The following LRRC4C variants were observed in gnomAD, a reference collection of about 807,000 sequenced individuals.
LRRC4C encodes the protein leucine-rich repeat-containing protein 4C.
In LRRC4C, 5 loss-of-function variants were observed where a neutral mutation model predicts 33.6. The observed-to-expected ratio is 0.15, with a 90% CI of 0.08 to 0.31. LRRC4C has a LOEUF of 0.31. Among genes scored for constraint, LRRC4C ranks in the 10% least tolerant of loss-of-function variants. LRRC4C has a pLI of 1.00. For missense variants in LRRC4C, 560 were observed against 796.7 expected, an observed-to-expected ratio of 0.70 and a Z score of 3.58; for synonymous variants, 329 against 302.0, an observed-to-expected ratio of 1.09 and a Z score of -0.93.
intron 1 of LRRC4C, among the ~76,000 whole-genome samples, chr11:41,451,101 C>T (rs11036408): frequency 0.062 from 9,397 of 152,226 alleles, 364 homozygotes; most frequent in Non-Finnish European, 0.096. Context: ...CAACTTTGTG[C>T]TCCACATCAT....
intron 6 of LRRC4C, among the ~76,000 whole-genome samples, chr11:40,124,337 G>A (rs1043890478): frequency 2.6e-5 from 4 of 152,130 alleles, no homozygotes; most frequent in Non-Finnish European, 5.9e-5. Context: ...TCAATATATG[G>A]AAGAAATATC....
At chr11:41,198,253 T>C (rs1368892661) in intron 1 of LRRC4C, among the ~76,000 whole-genome samples, 2 of 151,982 alleles carry the variant, frequency 1.3e-5, no homozygotes, top group African/African-American at 4.8e-5. Flanking sequence ...GCATTTCCTG[T>C]ATATCACTCT....
At chr11:40,714,553 C>A (rs1478162974) in intron 2 of LRRC4C, among the ~76,000 whole-genome samples, 1 of 152,170 alleles carries the variant, frequency 6.6e-6, no homozygotes, top group South Asian at 2.1e-4. Context: ...CTCTGTATCG[C>A]TGTTCCATTG....
At chr11:40,214,469 C>G (rs1382060337) in intron 5 of LRRC4C, among the ~76,000 whole-genome samples, 1 of 152,106 alleles carries the variant, frequency 6.6e-6, no homozygotes, top group African/African-American at 2.4e-5. Flanking sequence ...TTTGCATAGG[C>G]CTGCCTACCT....
intron 2 of LRRC4C, among the ~76,000 whole-genome samples, chr11:40,766,242 T>C (rs1949449242): frequency 1.3e-5 from 2 of 149,474 alleles, no homozygotes. Flanking sequence ...CAAAAATAAC[T>C]TTCAAACATG....
At chr11:40,225,778 G>A (rs923931779) in intron 5 of LRRC4C, among the ~76,000 whole-genome samples, 1 of 151,852 alleles carries the variant, frequency 6.6e-6, no homozygotes, top group Admixed American at 6.6e-5. Flanking sequence ...CACTACACCC[G>A]GCTAATATTT....
chr11:40,927,366 A>C (rs1957445918), intron 2 of LRRC4C, among the ~76,000 whole-genome samples: 1 of 151,856 alleles, frequency 6.6e-6, no homozygotes, highest in Non-Finnish European at 1.5e-5. Flanking sequence ...AAAGACTGTG[A>C]CTCAAAAAAT....
At chr11:40,729,041 A>T (rs879676739) in intron 2 of LRRC4C, among the ~76,000 whole-genome samples, 17 of 152,098 alleles carry the variant, frequency 1.1e-4, no homozygotes, top group South Asian at 2.1e-4. Context: ...TATCTTCACT[A>T]CCTGGGTGAC....
intron 4 of LRRC4C, among the ~76,000 whole-genome samples, chr11:40,251,912 T>G (rs1408771540): frequency 6.6e-6 from 1 of 152,158 alleles, no homozygotes; most frequent in African/African-American, 2.4e-5. Context: ...TGGAGTTCAG[T>G]GTTAGGAGGT....
At chr11:41,340,961 C>T (rs140375540) in intron 1 of LRRC4C, among the ~76,000 whole-genome samples, 63 of 152,284 alleles carry the variant, frequency 4.1e-4, no homozygotes, top group African/African-American at 1.3e-3. Flanking sequence ...GCTGTGATTG[C>T]GTCTGCCTCT....
In LRRC4C at chr11:41,008,470, T is replaced by G. The variant is rs914782740; in HGVS notation, c.-495-74747A>C. 9.9e-5 allele frequency among the ~76,000 whole-genome samples: 15 copies of G among 152,126 alleles called. 1 individual carries two copies. The highest frequency in any genetic ancestry group is 2.1e-4 in the Non-Finnish European group (14 of 67,984). On this transcript the variant is annotated intron_variant, in intron 1 of 6. Transcript: ENST00000528697. ...AGAGAGCTAGTTCGATTTGTTGAAT[T>G]TTCAGAATTTACAGCCCATACTGAT...
chr11:41,446,452 A>T (rs1955830005), intron 1 of LRRC4C, among the ~76,000 whole-genome samples: 2 of 152,170 alleles, frequency 1.3e-5, no homozygotes, highest in African/African-American at 4.8e-5. Flanking sequence ...GGCCCAAGTT[A>T]GCCTCACTGG....
chr11:40,882,697 C>T (rs1293804119), intron 2 of LRRC4C, among the ~76,000 whole-genome samples: 1 of 152,028 alleles, frequency 6.6e-6, no homozygotes, highest in Non-Finnish European at 1.5e-5. Context: ...ACATTTATTG[C>T]TATTTTAGGA....
intron 3 of LRRC4C, among the ~76,000 whole-genome samples, chr11:40,583,536 C>T (rs1201755013): frequency 6.6e-6 from 1 of 152,118 alleles, no homozygotes; most frequent in East Asian, 1.9e-4. Flanking sequence ...GCGTACCATA[C>T]CTTGCCTGTC....
At chr11:41,244,189 C>T (rs1278943989) in intron 1 of LRRC4C, among the ~76,000 whole-genome samples, 1 of 146,100 alleles carries the variant, frequency 6.8e-6, no homozygotes, top group Non-Finnish European at 1.5e-5. Context: ...ATCTATCTAT[C>T]TATCGATCGT....
At chr11:40,825,946 G>C (rs570239473) in intron 2 of LRRC4C, among the ~76,000 whole-genome samples, 76 of 51,784 alleles carry the variant, frequency 1.5e-3, no homozygotes, top group Middle Eastern at 8.2e-3. Flanking sequence ...ATTCTGGGGG[G>C]GGGGCGTCTC....
intron 6 of LRRC4C, among the ~76,000 whole-genome samples, chr11:40,128,091 A>T (rs1293750507): frequency 6.6e-6 from 1 of 152,190 alleles, no homozygotes; most frequent in South Asian, 2.1e-4. Context: ...TTGGTTTGGT[A>T]TTCCTGACTG....
At chr11:40,989,596 G>A (rs1254540424) in intron 1 of LRRC4C, among the ~76,000 whole-genome samples, 1 of 152,116 alleles carries the variant, frequency 6.6e-6, no homozygotes, top group Non-Finnish European at 1.5e-5. Flanking sequence ...CTGGTTAGAA[G>A]GGGAAGGCTT....
At chr11:40,371,196 T>C (rs1241688837) in intron 3 of LRRC4C, among the ~76,000 whole-genome samples, 1 of 152,164 alleles carries the variant, frequency 6.6e-6, no homozygotes, top group Non-Finnish European at 1.5e-5. Context: ...AATTTAAAAA[T>C]GTCATAGACA....
Sources: allele counts gnomAD v4.1 joint callset (sites outside exome capture counted in the v4.1 genomes callset), GRCh38; gene constraint gnomAD v4.1.1; transcripts MANE v1.5; gene names NCBI Gene and HGNC (gene_info 2026-07-23, HGNC 2026-07-21).